The following SLFN5 variants were observed in gnomAD, a reference collection of about 807,000 sequenced individuals.
The protein encoded by SLFN5 is schlafen family member 5.
In SLFN5, 34 loss-of-function variants were observed where a neutral mutation model predicts 48.5. The observed-to-expected ratio is 0.70, with a 90% CI of 0.53 to 0.93. The LOEUF is 0.93. SLFN5 is among the 40% of genes least tolerant of loss of function. The pLI, the probability that SLFN5 is intolerant of heterozygous loss-of-function variation, is 0.00. For synonymous variants in SLFN5, 387 were observed against 396.2 expected (o/e 0.98, Z 0.28); for missense variants, 1,006 against 1,071.3 (o/e 0.94, Z 0.85).
chr17:35,243,390 A>G (rs1597641401), intron 1 of SLFN5, among the ~76,000 whole-genome samples: 1 of 152,112 alleles, frequency 6.6e-6, no homozygotes, highest in African/African-American at 2.4e-5. Flanking sequence ...CGAGCTGGGG[A>G]GGAGGGAGAG....
chr17:35,266,022 G>T lies in SLFN5; in HGVS notation c.*134G>T. Reference sequence around the variant, plus strand: ...TTTCTAGGTGCTGGGGATTGAGAACGAATCGATGTAAGATTCCTCCTTTAG... The same window carrying T: ...TTTCTAGGTGCTGGGGATTGAGAACTAATCGATGTAAGATTCCTCCTTTAG... On this transcript the variant is annotated 3_prime_UTR_variant, in exon 5 of 5. Coordinates refer to ENST00000299977, the MANE Select transcript of SLFN5 (RefSeq NM_144975.4). 2.1e-6 allele frequency: 2 copies of T among 936,676 alleles called. No homozygotes were observed. Among genetic ancestry groups the T allele is most frequent in the Non-Finnish European group, 1.5e-6 (1 of 648,156 alleles). The allele number at this position is 936,676 out of a possible 1,614,324, so 58.0% of individuals were successfully genotyped here. A position where few individuals can be genotyped will look rare whatever the true frequency, so the allele number is the denominator to read the frequency against.
rs113644060 is a variant in SLFN5, at chr17:35,265,304, C to G, written c.2092C>G (p.Pro698Ala). 36,481 of 1,614,148 alleles carry G rather than the reference C, an allele frequency of 0.023. 475 individuals are homozygous for G. The highest frequency in any genetic ancestry group is 0.033 in the South Asian group (2,990 of 91,080). Residue 698 changes from proline (P) to alanine (A), a missense_variant, in exon 5 of 5, where the codon CCT becomes GCT. Physicochemically the swap from Pro to Ala is conservative, Grantham distance 27 (BLOSUM62 -1). Transcript: ENST00000299977. ...TYHLSCSGLP[P>A]PSDQYPREEI... is the part of the protein sequence containing the mutation. ...TCACTTGAGTTGCAGTGGCCTCCCC[C>G]CTCCCTCAGACCAGTATCCAAGAGA...
At chr17:35,255,325 G>A (rs1225823866) in intron 1 of SLFN5, among the ~76,000 whole-genome samples, 1 of 152,110 alleles carries the variant, frequency 6.6e-6, no homozygotes. Context: ...TCTGCCTTTG[G>A]TTTTTCTTTC....
In SLFN5 at chr17:35,259,198, G is replaced by A; in HGVS notation, c.508G>A (p.Val170Met). 6.2e-7 allele frequency: 1 copy of A among 1,614,118 alleles called. No homozygotes were observed. The highest frequency in any genetic ancestry group is 8.5e-7 in the Non-Finnish European group (1 of 1,180,042). ...GSVQYEGNIN[V>M]SAAALFDRKR... ...TGTACAATATGAAGGTAACATAAAT[G>A]TGTCAGCTGCTGCTTTATTTGATAG... is the stretch of plus-strand genomic sequence containing the variant. The change falls in exon 2 of 5, where the codon GTG becomes ATG. Residue 170 changes from valine (V) to methionine (M), a missense_variant. By Grantham distance (21) the Val-to-Met change is conservative. Coordinates refer to ENST00000299977, the MANE Select transcript of SLFN5 (RefSeq NM_144975.4).
chr17:35,260,240 C>T (rs543359271), intron 2 of SLFN5, among the ~76,000 whole-genome samples: 2 of 152,150 alleles, frequency 1.3e-5, no homozygotes, highest in East Asian at 3.9e-4. Flanking sequence ...CGTGATAAGC[C>T]AGAGGATGGT....
In SLFN5 at chr17:35,265,730, A is replaced by G. The variant is rs1315517511; in HGVS notation, c.2518A>G (p.Ile840Val). ...GDASDVLTDH[I>V]VLDSVCRFSG... ...TGCGTCGGATGTTCTAACCGATCAC[A>G]TTGTGTTGGACAGTGTCTGTCGATT... The change falls in exon 5 of 5, where the codon ATT (isoleucine) becomes GTT (valine). Residue 840 changes from isoleucine to valine, a missense_variant. Physicochemically the swap from Ile to Val is conservative, Grantham distance 29 (BLOSUM62 3). Transcript: ENST00000299977. 22 of 1,614,182 alleles carry G rather than the reference A, an allele frequency of 1.4e-5. No homozygotes were observed. Among genetic ancestry groups the G allele is most frequent in the Non-Finnish European group, 1.9e-5 (22 of 1,180,038 alleles).
Position 35,266,142 on chromosome 17 carries a change from A to ATGTGTGTGTGTGTGTG in SLFN5, c.*275_*290dup, listed in dbSNP as rs58644233. The ATGTGTGTGTGTGTGTG allele has an allele frequency of 3.7e-5, 9 of 240,428 alleles. No homozygotes were observed. The highest frequency in any genetic ancestry group is 2.6e-4 in the Admixed American group (5 of 19,132). The allele number at this position is 240,428 out of a possible 1,614,324, so 14.9% of individuals were successfully genotyped here. On this transcript the variant is annotated 3_prime_UTR_variant, in exon 5 of 5. Coordinates refer to ENST00000299977, the MANE Select transcript of SLFN5 (RefSeq NM_144975.4). ...AATTAGAGGACCGTGAGACTCAGAG[A>ATGTGTGTGTGTGTGTG]TGTGTGTGTGTGTGTGTGTGTGTGT... is the stretch of plus-strand genomic sequence containing the variant.
At chr17:35,246,802 C>T (rs929896240) in intron 1 of SLFN5, among the ~76,000 whole-genome samples, 3 of 150,622 alleles carry the variant, frequency 2.0e-5, no homozygotes, top group Non-Finnish European at 4.4e-5. Context: ...TTCCAGTGAC[C>T]GAAATAGCAC....
At chr17:35,254,118 C>A (rs191173344) in intron 1 of SLFN5, among the ~76,000 whole-genome samples, 1 of 152,200 alleles carries the variant, frequency 6.6e-6, no homozygotes, top group Non-Finnish European at 1.5e-5. Flanking sequence ...ACTTTATTTA[C>A]AACGGTGCCA....
At position 35,258,632 on chromosome 17, in the gene SLFN5, C is replaced by G. The variant is rs1904412522; in HGVS notation, c.-40-19C>G. The G allele has an allele frequency of 6.4e-7, 1 of 1,556,864 alleles. No individual in the cohort carries two copies. Among genetic ancestry groups the G allele is most frequent in the African/African-American group, 1.4e-5 (1 of 73,672 alleles). The stretch of plus-strand genomic sequence containing the variant: ...CTATTCTTGTCCTGTTCTAATGGTT[C>G]TATCTTTCTGTTTTTCAGGAGAACA... On this transcript the variant is annotated intron_variant, in intron 1 of 4. Transcript: ENST00000299977.
rs185910438 is a variant in SLFN5, at chr17:35,265,427, C to G, written c.2215C>G (p.Pro739Ala). Residue 739 changes from proline (P) to alanine (A), a missense_variant, in exon 5 of 5, where the codon CCT becomes GCT. Physicochemically the swap from Pro to Ala is conservative, Grantham distance 27 (BLOSUM62 -1). Transcript: ENST00000299977. ...ARQNPPPNLP[P>A]GSLVMLYEPK... ...ACAAAATCCTCCACCTAACCTCCCC[C>G]CTGGGTCCCTGGTGATGCTCTATGA... The G allele has an allele frequency of 1.8e-4, 285 of 1,614,212 alleles. 1 individual carries two copies. Among genetic ancestry groups the G allele is most frequent in the Admixed American group, 4.2e-4 (25 of 60,024 alleles).
intron 1 of SLFN5, among the ~76,000 whole-genome samples, chr17:35,246,758 G>A (rs1373113497): frequency 6.6e-6 from 1 of 151,968 alleles, no homozygotes; most frequent in Non-Finnish European, 1.5e-5. Flanking sequence ...GAGAGGCTGA[G>A]GCAGGAGAAT....
rs189215877 is a variant in SLFN5, at chr17:35,270,238, G to T, written c.*4350G>T. 33 of 152,142 alleles carry T rather than the reference G, an allele frequency of 2.2e-4. 1 individual carries two copies. In the East Asian group the frequency reaches 6.0e-3, roughly 28 times the overall value. 9.4% of individuals were successfully genotyped at this position (152,142 alleles called of 1,614,324 possible). A position where few individuals can be genotyped will look rare whatever the true frequency, so the allele number is the denominator to read the frequency against. On this transcript the variant is annotated 3_prime_UTR_variant, in exon 5 of 5. Coordinates refer to ENST00000299977, the MANE Select transcript of SLFN5 (RefSeq NM_144975.4). ...TTGATGAGTTTATGAGTGATTTATT[G>T]CTTCCTTTTCTCTTTCAGTATTGCT...
At position 35,259,163 on chromosome 17, in the gene SLFN5, C is replaced by G; in HGVS notation, c.473C>G (p.Ala158Gly). The G allele has an allele frequency of 6.2e-7, 1 of 1,614,120 alleles. No homozygotes were observed. The highest frequency in any genetic ancestry group is 1.1e-5 in the South Asian group (1 of 91,080). Reference sequence around the variant, plus strand: ...TCCAATTCATTAGGTCCACAGGCAGCTCAGGGTAGTGTACAATATGAAGGT... The same window carrying G: ...TCCAATTCATTAGGTCCACAGGCAGGTCAGGGTAGTGTACAATATGAAGGT... ...NVSNSLGPQA[A>G]QGSVQYEGNI... Residue 158 changes from alanine to glycine, a missense_variant, in exon 2 of 5, where the codon GCT (alanine) becomes GGT (glycine). Coordinates refer to ENST00000299977, the MANE Select transcript of SLFN5 (RefSeq NM_144975.4).
intron 1 of SLFN5, among the ~76,000 whole-genome samples, chr17:35,251,092 G>A (rs879701397): frequency 5.9e-5 from 9 of 152,124 alleles, no homozygotes; most frequent in Non-Finnish European, 1.3e-4. Flanking sequence ...AAGACCTCCT[G>A]GAACCTGAAA....
intron 1 of SLFN5, among the ~76,000 whole-genome samples, chr17:35,249,099 C>A (rs2092436830): frequency 6.6e-6 from 1 of 152,294 alleles, no homozygotes; most frequent in South Asian, 2.1e-4. Flanking sequence ...TACCTTCCAA[C>A]ACATCAGTTA....
rs1904651504 is a variant in SLFN5, at chr17:35,265,435, C to A, written c.2223C>A (p.Ser741=). The stretch of plus-strand genomic sequence containing the variant: ...CTCCACCTAACCTCCCCCCTGGGTC[C>A]CTGGTGATGCTCTATGAACCTAAAT... The part of the protein sequence containing the change: ...QNPPPNLPPG[S]LVMLYEPKWA... Residue 741 remains serine, a synonymous_variant, in exon 5 of 5, where the codon TCC becomes TCA. Coordinates refer to ENST00000299977, the MANE Select transcript of SLFN5 (RefSeq NM_144975.4). 3 of 1,614,194 alleles carry A rather than the reference C, an allele frequency of 1.9e-6. No homozygotes were observed. Among genetic ancestry groups the A allele is most frequent in the Non-Finnish European group, 2.5e-6 (3 of 1,180,040 alleles).
At position 35,259,685 on chromosome 17, in the gene SLFN5, T is replaced by A; in HGVS notation, c.995T>A (p.Met332Lys). ...QLPTREWTAWMMEADPDLSRC... is the reference protein window; with the variant it reads ...QLPTREWTAWKMEADPDLSRC... Reference sequence around the variant, plus strand: ...CCCACAAGAGAATGGACTGCTTGGATGATGGAAGCTGACCCAGGTTAGGGA... The same window carrying A: ...CCCACAAGAGAATGGACTGCTTGGAAGATGGAAGCTGACCCAGGTTAGGGA... The change falls in exon 2 of 5, where the codon ATG becomes AAG. Residue 332 changes from methionine to lysine, a missense_variant. Coordinates refer to ENST00000299977, the MANE Select transcript of SLFN5 (RefSeq NM_144975.4). 6.3e-7 allele frequency: 1 copy of A among 1,599,750 alleles called. No individual in the cohort carries two copies. The highest frequency in any genetic ancestry group is 8.5e-7 in the Non-Finnish European group (1 of 1,179,608).
chr17:35,264,142 C>G, intron 3 of SLFN5, 41 bp from the exon 4 acceptor site: 3 of 1,531,154 alleles, frequency 2.0e-6, no homozygotes, highest in Non-Finnish European at 2.6e-6. Flanking sequence ...ACTAGCTTGT[C>G]TGAGGCTTTT....
Sources: allele counts gnomAD v4.1 joint callset (sites outside exome capture counted in the v4.1 genomes callset), GRCh38; gene constraint gnomAD v4.1.1; transcripts MANE v1.5; gene names NCBI Gene and HGNC (gene_info 2026-07-23, HGNC 2026-07-21).